Variants in NLGN1 observed in about 807,000 individuals in gnomAD.
The protein encoded by NLGN1 is neuroligin 1, also known as neuroligin-1.
A neutral mutation model predicts 65.5 loss-of-function variants in NLGN1; 12 were observed. That is an observed-to-expected ratio of 0.18 (90% CI 0.12 to 0.30). The LOEUF (loss-of-function observed/expected upper bound fraction) is 0.30. Among genes scored for constraint, NLGN1 ranks in the 10% least tolerant of loss-of-function variants. The pLI is 1.00. For synonymous variants in NLGN1, 350 were observed against 359.5 expected (o/e 0.97, Z 0.30); for missense variants, 750 against 1,007.1 (o/e 0.74, Z 3.46).
At chr3:173,514,091 T>C (rs2149106293) in intron 2 of NLGN1, among the ~76,000 whole-genome samples, 1 of 152,324 alleles carries the variant, frequency 6.6e-6, no homozygotes, top group African/African-American at 2.4e-5. Flanking sequence ...ACATACTGAC[T>C]GCACACATAA....
At chr3:173,544,325 A>G (rs1739409104) in intron 2 of NLGN1, among the ~76,000 whole-genome samples, 1 of 151,210 alleles carries the variant, frequency 6.6e-6, no homozygotes, top group Non-Finnish European at 1.5e-5. Flanking sequence ...AGAATGGTTT[A>G]TAGAGAGCAG....
intron 4 of NLGN1, among the ~76,000 whole-genome samples, chr3:174,077,392 A>G (rs566681815): frequency 9.7e-4 from 147 of 152,318 alleles, no homozygotes; most frequent in Non-Finnish European, 1.7e-3. Context: ...TTGATTTTTA[A>G]GTGAAACTTC....
chr3:174,111,314 G>A (rs1715177827), intron 4 of NLGN1, among the ~76,000 whole-genome samples: 1 of 151,820 alleles, frequency 6.6e-6, no homozygotes, highest in Non-Finnish European at 1.5e-5. Context: ...TATCTGAATT[G>A]ATCGTATGTA....
chr3:173,730,322 T>TCCCCCCCCCCCCCC (rs36078122), intron 3 of NLGN1, among the ~76,000 whole-genome samples: 1 of 28,916 alleles, frequency 3.5e-5, no homozygotes, highest in Non-Finnish European at 7.7e-5. Context: ...GCCCCACCGC[T>TCCCCCCCCCCCCCC]CCCCCCCCCC....
intron 4 of NLGN1, among the ~76,000 whole-genome samples, chr3:173,911,758 C>A (rs1464915628): frequency 6.6e-6 from 1 of 152,118 alleles, no homozygotes; most frequent in Admixed American, 6.5e-5. Context: ...GTTGAAAAGG[C>A]ATAATAATAA....
chr3:174,122,258 G>A (rs1269629873), intron 4 of NLGN1, among the ~76,000 whole-genome samples: 2 of 152,158 alleles, frequency 1.3e-5, no homozygotes, highest in African/African-American at 4.8e-5. Context: ...CCCCCGTATA[G>A]CAGATAACCT....
At position 174,231,497 on chromosome 3, in the gene NLGN1, A is replaced by G. The variant is rs763155533; in HGVS notation, c.647-43818A>G. Among the ~76,000 whole-genome samples, 5 of 152,178 alleles carry G rather than the reference A, an allele frequency of 3.3e-5. No individual in the cohort carries two copies. The South Asian group carries it at 8.3e-4, about 25-fold the overall frequency. On this transcript the variant is annotated intron_variant, in intron 4 of 6. Coordinates refer to ENST00000457714, the Ensembl canonical transcript of NLGN1. ...TCAGCTATTGTTACAGGTGCATACTACTAAGCTAGGTTTTCAATTTTGTCT... is the reference window on the plus strand; with the variant it reads ...TCAGCTATTGTTACAGGTGCATACTGCTAAGCTAGGTTTTCAATTTTGTCT...
chr3:173,827,878 C>G (rs1721689162), intron 4 of NLGN1, among the ~76,000 whole-genome samples: 1 of 151,938 alleles, frequency 6.6e-6, no homozygotes, highest in Admixed American at 6.6e-5. Context: ...CCTTTTTACT[C>G]TATCTGAACT....
chr3:174,269,218 A>G (rs761675287), intron 4 of NLGN1, among the ~76,000 whole-genome samples: 1 of 151,960 alleles, frequency 6.6e-6, no homozygotes, highest in Non-Finnish European at 1.5e-5. Context: ...CCATTTTTAC[A>G]TATACTGTTC....
chr3:174,061,015 G>C (rs966109325), intron 4 of NLGN1, among the ~76,000 whole-genome samples: 3 of 151,952 alleles, frequency 2.0e-5, no homozygotes. Flanking sequence ...TGAATTCTAA[G>C]GTATGATTTC....
intron 4 of NLGN1, among the ~76,000 whole-genome samples, chr3:173,920,046 A>G (rs200742900): frequency 5.7e-4 from 86 of 152,186 alleles, no homozygotes; most frequent in Non-Finnish European, 1.2e-3. Flanking sequence ...CAGGGTTGAG[A>G]GAGACATTGA....
At chr3:174,013,842 G>C (rs1305518481) in intron 4 of NLGN1, among the ~76,000 whole-genome samples, 1 of 152,088 alleles carries the variant, frequency 6.6e-6, no homozygotes, top group Non-Finnish European at 1.5e-5. Context: ...GCCTCCCATG[G>C]AGCTGGGACC....
intron 3 of NLGN1, among the ~76,000 whole-genome samples, chr3:173,624,360 C>T (rs1754497499): frequency 6.6e-6 from 1 of 152,144 alleles, no homozygotes; most frequent in Non-Finnish European, 1.5e-5. Flanking sequence ...CAAGACTTCA[C>T]TTCATGCATG....
At chr3:174,107,013 C>CAGAG (rs1459688744) in intron 4 of NLGN1, among the ~76,000 whole-genome samples, 119 of 100,508 alleles carry the variant, frequency 1.2e-3, no homozygotes, top group Non-Finnish European at 1.7e-3. Context: ...CACACACACA[C>CAGAG]ACACAGAGAG....
At chr3:174,056,881 A>G (rs920962572) in intron 4 of NLGN1, among the ~76,000 whole-genome samples, 3 of 152,036 alleles carry the variant, frequency 2.0e-5, no homozygotes, top group African/African-American at 7.2e-5. Context: ...CCTAGGAAAT[A>G]CAGTTTTATA....
At chr3:173,498,294 A>G (rs1308106577) in intron 2 of NLGN1, among the ~76,000 whole-genome samples, 1 of 151,526 alleles carries the variant, frequency 6.6e-6, no homozygotes, top group Non-Finnish European at 1.5e-5. Context: ...TATGAGTGAC[A>G]ACATGCGGTG....
In NLGN1 at chr3:173,557,373, G is replaced by A. The variant is rs760738783; in HGVS notation, c.-320-46906G>A. Among the ~76,000 whole-genome samples, 31 of 151,832 alleles carry A rather than the reference G, an allele frequency of 2.0e-4. 1 individual carries two copies. Among genetic ancestry groups the A allele is most frequent in the Admixed American group, 1.2e-3 (19 of 15,238 alleles). ...TTGAAGTGTGTCTCTTATGCACAGC[G>A]TATGACTTATCTCATTTTTTTCTCA... On this transcript the variant is annotated intron_variant, in intron 2 of 6. Transcript: ENST00000457714.
intron 4 of NLGN1, among the ~76,000 whole-genome samples, chr3:174,135,326 A>T (rs1347842615): frequency 6.6e-6 from 1 of 152,202 alleles, no homozygotes; most frequent in African/African-American, 2.4e-5. Context: ...AGAACATACG[A>T]TAGAATTGTT....
intron 1 of NLGN1, among the ~76,000 whole-genome samples, chr3:173,431,685 G>C (rs1560242056): frequency 6.6e-6 from 1 of 152,018 alleles, no homozygotes; most frequent in Non-Finnish European, 1.5e-5. Flanking sequence ...ACACCAGAGT[G>C]GTACATTGTT....
Sources: gnomAD v4.1 joint callset for allele counts (sites outside exome capture counted in the v4.1 genomes callset) on GRCh38, gnomAD v4.1.1 for gene constraint, MANE v1.5 for transcripts, NCBI Gene and HGNC (gene_info 2026-07-23, HGNC 2026-07-21) for gene names.